Variants in COG5 observed in about 807,000 individuals in gnomAD.
COG5 encodes the protein conserved oligomeric Golgi complex subunit 5.
Under a neutral mutation model 110.4 loss-of-function variants are expected in COG5, and 86 were observed. The observed-to-expected ratio is 0.78, with a 90% CI of 0.65 to 0.93. The LOEUF (loss-of-function observed/expected upper bound fraction) is 0.93, where lower values mean the gene tolerates loss of function less well. Among genes scored for constraint, COG5 ranks in the 40% least tolerant of loss-of-function variants. The pLI, the probability that COG5 is intolerant of heterozygous loss-of-function variation, is 0.00. For synonymous variants in COG5, 360 were observed against 334.6 expected (o/e 1.08, Z -0.83); for missense variants, 1,077 against 987.0 (o/e 1.09, Z -1.22).
intron 6 of COG5, among the ~76,000 whole-genome samples, chr7:107,485,458 C>T (rs1797602038): frequency 6.6e-6 from 1 of 152,124 alleles, no homozygotes. Flanking sequence ...TACAATTATT[C>T]TTCTATGGGT....
At chr7:107,475,067 T>C (rs1220095134) in intron 6 of COG5, 2 of 1,613,010 alleles carry the variant, frequency 1.2e-6, no homozygotes, top group African/African-American at 1.3e-5. Context: ...AATACCACCA[T>C]TTTATGTTTA....
intron 10 of COG5, among the ~76,000 whole-genome samples, chr7:107,328,913 C>T (rs1250010093): frequency 1.3e-4 from 20 of 152,120 alleles, no homozygotes; most frequent in African/African-American, 4.1e-4. Context: ...CTCCGCCTCC[C>T]GGGCTCAAGC....
intron 11 of COG5, among the ~76,000 whole-genome samples, chr7:107,320,434 T>G (rs1236848531): frequency 6.6e-6 from 1 of 152,194 alleles, no homozygotes; most frequent in Non-Finnish European, 1.5e-5. Context: ...AAACTGGCAA[T>G]GCTCCTGGTT....
At chr7:107,273,307 T>C (rs1445462599) in intron 14 of COG5, among the ~76,000 whole-genome samples, 1 of 152,206 alleles carries the variant, frequency 6.6e-6, no homozygotes, top group Non-Finnish European at 1.5e-5. Flanking sequence ...ATCTTTAATG[T>C]GATATGTATT....
Position 107,349,335 on chromosome 7 carries a change from G to A in COG5, c.1026+12698C>T, listed in dbSNP as rs569918340. Among the ~76,000 whole-genome samples the A allele has an allele frequency of 2.6e-5, 4 of 152,198 alleles. No homozygotes were observed. In the South Asian group the frequency reaches 8.3e-4, roughly 32 times the overall value. On this transcript the variant is annotated intron_variant, in intron 10 of 21. Transcript: ENST00000297135. ...CTAGCTAGAACAATGTTAAACAGAA[G>A]TAGTGAAAACAAAAACAAATCCTTT...
chr7:107,334,499 T>C (rs1178131522), intron 10 of COG5, among the ~76,000 whole-genome samples: 1 of 151,610 alleles, frequency 6.6e-6, no homozygotes, highest in Non-Finnish European at 1.5e-5. Context: ...ATAATTAAAA[T>C]CTCAAAGGCC....
intron 6 of COG5, chr7:107,449,940 CAACTT>C (rs1795235284): frequency 6.6e-6 from 1 of 152,070 alleles, no homozygotes. Context: ...GGTCATATGA[CAACTT>C]AAAGCAAAAA....
chr7:107,396,084 C>A (rs776922604), intron 7 of COG5, among the ~76,000 whole-genome samples: 1 of 152,152 alleles, frequency 6.6e-6, no homozygotes, highest in Admixed American at 6.5e-5. Flanking sequence ...CTTATAATAT[C>A]TGTGTGCATA....
intron 19 of COG5, among the ~76,000 whole-genome samples, chr7:107,214,920 CAAAA>C (rs1286533575): frequency 2.5e-5 from 2 of 80,560 alleles, no homozygotes; most frequent in African/African-American, 4.7e-5. Flanking sequence ...GACTCTGTCT[CAAAA>C]AAAAAAAAAA....
chr7:107,202,344 C>T lies in COG5; in HGVS notation c.*1172G>A, dbSNP rs1230435797. 1 of 152,624 alleles carries T rather than the reference C, an allele frequency of 6.6e-6. No individual in the cohort carries two copies. The highest frequency in any genetic ancestry group is 1.5e-5 in the Non-Finnish European group (1 of 68,028). The allele number at this position is 152,624 out of a possible 1,614,324, so 9.5% of individuals were successfully genotyped here. A position where few individuals can be genotyped will look rare whatever the true frequency, so the allele number is the denominator to read the frequency against. ...AGCAAATACATTGGCAATACAGCTGCTTTTGCTCTGAGCTACAATCATGGC... is the reference window on the plus strand; with the variant it reads ...AGCAAATACATTGGCAATACAGCTGTTTTTGCTCTGAGCTACAATCATGGC... On this transcript the variant is annotated 3_prime_UTR_variant, in exon 22 of 22. Transcript: ENST00000297135.
chr7:107,288,196 G>A (rs767685004), intron 12 of COG5, among the ~76,000 whole-genome samples: 8 of 151,932 alleles, frequency 5.3e-5, no homozygotes, highest in South Asian at 4.2e-4. Context: ...AAACCTCGCC[G>A]CTACAAAAAA....
intron 5 of COG5, among the ~76,000 whole-genome samples, chr7:107,535,396 C>A (rs747661145): frequency 9.3e-5 from 14 of 151,304 alleles, no homozygotes; most frequent in Middle Eastern, 6.8e-3. Flanking sequence ...TTTGAAAAGA[C>A]TAACAAAATA....
intron 7 of COG5, among the ~76,000 whole-genome samples, chr7:107,389,988 C>A (rs1357955195): frequency 6.6e-6 from 1 of 152,234 alleles, no homozygotes; most frequent in African/African-American, 2.4e-5. Context: ...CACCCCAATA[C>A]TCCACGTTTG....
chr7:107,210,370 G>A (rs566472624), intron 21 of COG5, 156 bp downstream of exon 21: 5 of 1,440,072 alleles, frequency 3.5e-6, no homozygotes, highest in Non-Finnish European at 4.5e-6. Flanking sequence ...ACTGCTGGTT[G>A]CTCCAGCACC....
intron 21 of COG5, among the ~76,000 whole-genome samples, chr7:107,205,145 TTA>T (rs1798666958): frequency 6.6e-6 from 1 of 152,202 alleles, no homozygotes; most frequent in Admixed American, 6.5e-5. Context: ...GTCTTCCATA[TTA>T]TAGCAAGAGA....
chr7:107,262,492 C>T (rs917510798), intron 14 of COG5, among the ~76,000 whole-genome samples: 1 of 152,086 alleles, frequency 6.6e-6, no homozygotes, highest in African/African-American at 2.4e-5. Flanking sequence ...TACATATATT[C>T]ATGGTCACTT....
Position 107,324,472 on chromosome 7 carries a change from G to A in COG5, c.1076C>T (p.Ala359Val). Residue 359 changes from alanine (A) to valine (V), a missense_variant, in exon 11 of 22, where the codon GCA (alanine) becomes GTA (valine). Coordinates refer to ENST00000297135, the MANE Select transcript of COG5 (RefSeq NM_006348.5). ...TGCCATATGAAATTGAGAAGAAAGT[G>A]CCTGAGTAACTGAATTCCAAAATGT... is the stretch of plus-strand genomic sequence containing the variant. Reference protein sequence around the residue: ...FYTFWNSVTQALSSQFHMATN... With the variant: ...FYTFWNSVTQVLSSQFHMATN... 2 of 1,605,334 alleles carry A rather than the reference G, an allele frequency of 1.2e-6. No individual in the cohort carries two copies. The highest frequency in any genetic ancestry group is 1.1e-5 in the South Asian group (1 of 88,920).
intron 5 of COG5, among the ~76,000 whole-genome samples, chr7:107,541,496 C>CAAAAAAAAAA (rs869244428): frequency 3.1e-5 from 1 of 31,958 alleles, no homozygotes; most frequent in Non-Finnish European, 4.8e-5. Context: ...GACCCTGTCT[C>CAAAAAAAAAA]AAAAAAAAAA....
At chr7:107,349,116 G>A (rs1811898290) in intron 10 of COG5, among the ~76,000 whole-genome samples, 2 of 152,042 alleles carry the variant, frequency 1.3e-5, no homozygotes, top group Admixed American at 1.3e-4. Context: ...ATACTGAATT[G>A]TACATATTTT....
Sources: gnomAD v4.1 joint callset for allele counts (sites outside exome capture counted in the v4.1 genomes callset) on GRCh38, gnomAD v4.1.1 for gene constraint, MANE v1.5 for transcripts, NCBI Gene and HGNC (gene_info 2026-07-23, HGNC 2026-07-21) for gene names.